Variants in RGS6 observed in about 807,000 individuals in gnomAD.
RGS6 encodes the protein regulator of G protein signaling 6, also known as regulator of G-protein signaling 6.
A neutral mutation model predicts 78.5 loss-of-function variants in RGS6; 30 were observed. That is an observed-to-expected ratio of 0.38 (90% CI 0.29 to 0.52). RGS6 has a LOEUF of 0.52. Among genes scored for constraint, RGS6 ranks in the 20% least tolerant of loss-of-function variants. The probability of loss-of-function intolerance (pLI) is 0.85; values close to 1 mark genes in which losing one functional copy is unlikely to be tolerated. For missense variants in RGS6, 495 were observed against 609.7 expected (o/e 0.81, Z 1.98); for synonymous variants, 206 against 206.0 (o/e 1.00, Z 0.00).
chr14:71,975,056 A>G (rs1002896228), intron 2 of RGS6, among the ~76,000 whole-genome samples: 3 of 152,224 alleles, frequency 2.0e-5, no homozygotes, highest in African/African-American at 7.2e-5. Flanking sequence ...CAGGAGGTGG[A>G]GGTGGGGGAA....
At chr14:72,508,809 T>C (rs1021993203) in intron 13 of RGS6, among the ~76,000 whole-genome samples, 1 of 152,058 alleles carries the variant, frequency 6.6e-6, no homozygotes, top group Non-Finnish European at 1.5e-5. Context: ...ATTTAGCAGG[T>C]GCAGGTGGGG....
At chr14:72,522,783 A>ACC (rs2097064923) in intron 15 of RGS6, among the ~76,000 whole-genome samples, 1 of 152,240 alleles carries the variant, frequency 6.6e-6, no homozygotes, top group Admixed American at 6.5e-5. Context: ...TGAATCACAG[A>ACC]CTGTAGTTTG....
chr14:72,562,745 C>T lies in RGS6; in HGVS notation c.*278C>T, dbSNP rs1359470108. On this transcript the variant is annotated 3_prime_UTR_variant, in exon 18 of 18. Transcript: ENST00000553525. The stretch of plus-strand genomic sequence containing the variant: ...TTCCAACACTCCACTCGCTAAGAGG[C>T]CCTGATCCCAGCTCATTCAGGGGAG... 11 of 1,536,018 alleles carry T rather than the reference C, an allele frequency of 7.2e-6. No homozygotes were observed. Among genetic ancestry groups the T allele is most frequent in the Non-Finnish European group, 9.6e-6 (11 of 1,146,754 alleles).
At chr14:72,173,747 C>A (rs1252612804) in intron 2 of RGS6, among the ~76,000 whole-genome samples, 2 of 152,116 alleles carry the variant, frequency 1.3e-5, no homozygotes, top group Admixed American at 6.5e-5. Context: ...CATACTGGAA[C>A]CTTCCCGTCC....
rs545019544 is a variant in RGS6, at chr14:72,087,457, T to G, written c.84+122582T>G. On this transcript the variant is annotated intron_variant, in intron 2 of 17. Coordinates refer to ENST00000553525, the MANE Select transcript of RGS6 (RefSeq NM_001204424.2). ...AAATGCATATATATATATACTTTTT[T>G]AATGGAATGCAATGGAATATTGTGA... is the stretch of plus-strand genomic sequence containing the variant. Among the ~76,000 whole-genome samples the G allele has an allele frequency of 6.6e-5, 10 of 152,192 alleles. No homozygotes were observed. In the East Asian group the frequency reaches 1.9e-3, roughly 29 times the overall value.
chr14:72,093,399 C>T (rs1176662362), intron 2 of RGS6, among the ~76,000 whole-genome samples: 8 of 152,078 alleles, frequency 5.3e-5, no homozygotes, highest in African/African-American at 1.9e-4. Context: ...CATGCCACCA[C>T]GCCCACCTAA....
chr14:72,041,456 A>G (rs1293299445), intron 2 of RGS6, among the ~76,000 whole-genome samples: 1 of 152,222 alleles, frequency 6.6e-6, no homozygotes, highest in Admixed American at 6.5e-5. Flanking sequence ...CTGCAGCCCT[A>G]GATGTCCAAA....
chr14:72,551,927 AAGT>A (rs1287894188), intron 17 of RGS6, among the ~76,000 whole-genome samples: 2 of 152,254 alleles, frequency 1.3e-5, no homozygotes, highest in Non-Finnish European at 2.9e-5. Context: ...AAGAGTAAAT[AAGT>A]AGGAATAAAA....
chr14:72,337,094 G>C (rs564647109), intron 2 of RGS6, among the ~76,000 whole-genome samples: 4 of 152,136 alleles, frequency 2.6e-5, no homozygotes, highest in African/African-American at 9.6e-5. Flanking sequence ...ATAACAAGGG[G>C]ATTCCCAAAG....
At chr14:71,875,387 A>C in the RGS6 span, among the ~76,000 whole-genome samples, 1 of 152,042 alleles carries the variant, frequency 6.6e-6, no homozygotes, top group Non-Finnish European at 1.5e-5. Context: ...GTGTTTGTGT[A>C]TGGGAATTTA....
At chr14:72,371,249 C>T (rs2083449682) in intron 3 of RGS6, among the ~76,000 whole-genome samples, 1 of 152,178 alleles carries the variant, frequency 6.6e-6, no homozygotes, top group Non-Finnish European at 1.5e-5. Flanking sequence ...AAAGCAAAGG[C>T]ATATCTCTGA....
Position 71,985,364 on chromosome 14 carries a change from C to T in RGS6, c.84+20489C>T, listed in dbSNP as rs189409508. On this transcript the variant is annotated intron_variant, in intron 2 of 17. Coordinates refer to ENST00000553525, the MANE Select transcript of RGS6 (RefSeq NM_001204424.2). ...GTCTCGATCTCTTGACCTCATGATC[C>T]GCCCACCTTGGCCTCCCAGAGTGCG... 7.0e-4 allele frequency among the ~76,000 whole-genome samples: 106 copies of T among 152,296 alleles called. 1 individual carries two copies. In the Middle Eastern group the frequency reaches 0.014, roughly 20 times the overall value.
intron 2 of RGS6, among the ~76,000 whole-genome samples, chr14:72,276,530 A>G (rs1255063123): frequency 6.6e-6 from 1 of 152,056 alleles, no homozygotes; most frequent in African/African-American, 2.4e-5. Flanking sequence ...TCCCCACCCA[A>G]CTCTCATCTT....
At chr14:72,275,398 A>G (rs574997794) in intron 2 of RGS6, among the ~76,000 whole-genome samples, 3 of 152,328 alleles carry the variant, frequency 2.0e-5, no homozygotes, top group African/African-American at 4.8e-5. Flanking sequence ...TGAAGGGACT[A>G]AGTATACACT....
chr14:71,946,802 C>T (rs1408877781), intron 1 of RGS6, among the ~76,000 whole-genome samples: 1 of 152,132 alleles, frequency 6.6e-6, no homozygotes, highest in Non-Finnish European at 1.5e-5. Flanking sequence ...TTAATACCCC[C>T]CATACAGAGT....
At chr14:72,406,194 G>A (rs1192768914) in intron 3 of RGS6, among the ~76,000 whole-genome samples, 1 of 152,140 alleles carries the variant, frequency 6.6e-6, no homozygotes, top group Non-Finnish European at 1.5e-5. Flanking sequence ...AGACCATCCT[G>A]GCCAACATAG....
At chr14:72,024,518 T>C (rs11852228) in intron 2 of RGS6, among the ~76,000 whole-genome samples, 7,432 of 152,248 alleles carry the variant, frequency 0.049, 259 homozygotes, top group African/African-American at 0.096. Context: ...CAGAAATTCG[T>C]CCCCAGCATC....
intron 3 of RGS6, among the ~76,000 whole-genome samples, chr14:72,378,221 C>A (rs2152870795): frequency 6.6e-6 from 1 of 152,192 alleles, no homozygotes; most frequent in Middle Eastern, 3.4e-3. Flanking sequence ...ATATTACAGG[C>A]AAGTTTATAG....
intron 10 of RGS6, among the ~76,000 whole-genome samples, chr14:72,475,982 G>A (rs1209391636): frequency 6.6e-6 from 1 of 152,000 alleles, no homozygotes; most frequent in Admixed American, 6.6e-5. Context: ...ATCTTCAAGA[G>A]CCCCATAATT....
Sources: gnomAD v4.1 joint callset for allele counts (sites outside exome capture counted in the v4.1 genomes callset) on GRCh38, gnomAD v4.1.1 for gene constraint, MANE v1.5 for transcripts, NCBI Gene and HGNC (gene_info 2026-07-23, HGNC 2026-07-21) for gene names.